ARL8B: variants seen among roughly 807,000 people sequenced by gnomAD.
ARL8B encodes ADP-ribosylation factor-like protein 8B.
Under a neutral mutation model 30.6 loss-of-function variants are expected in ARL8B, and 9 were observed. The ratio of observed to expected loss-of-function variants is 0.29; its 90% CI spans 0.18 to 0.51. The LOEUF (loss-of-function observed/expected upper bound fraction) is 0.51. Among genes scored for constraint, ARL8B ranks in the 20% least tolerant of loss-of-function variants. The probability of loss-of-function intolerance (pLI) is 0.97; values close to 1 mark genes in which losing one functional copy is unlikely to be tolerated. For synonymous variants in ARL8B, 74 were observed against 76.0 expected (o/e 0.97, Z 0.14); for missense variants, 130 against 227.2 (o/e 0.57, Z 2.75).
intron 6 of ARL8B, among the ~76,000 whole-genome samples, chr3:5,177,931 G>A (rs546202613): frequency 3.9e-5 from 6 of 152,292 alleles, no homozygotes; most frequent in African/African-American, 1.4e-4. Context: ...AACAGTTCAT[G>A]TTTGTTATAG....
intron 1 of ARL8B, among the ~76,000 whole-genome samples, chr3:5,169,348 T>A (rs200222214): frequency 1.3e-5 from 2 of 151,618 alleles, no homozygotes; most frequent in East Asian, 4.0e-4. Flanking sequence ...TGTGTGAGTG[T>A]GTGAGACTTC....
Position 5,166,347 on chromosome 3 carries a change from CGT to C in ARL8B, c.124-4155_124-4154del, listed in dbSNP as rs1491486901. ...GCTGCTGCGCCTGGCTGGTATCTTT[CGT>C]TTTTTTTTTTTTTTTTTTGGTAATG... On this transcript the variant is annotated intron_variant, in intron 1 of 6. Transcript: ENST00000256496. Among the ~76,000 whole-genome samples the C allele has an allele frequency of 1.2e-4, 11 of 93,166 alleles. No individual in the cohort carries two copies. The East Asian group carries it at 2.5e-3, about 21-fold the overall frequency. The allele number at this position is 93,166 out of a possible 152,430, so 61.1% of individuals were successfully genotyped here.
At position 5,179,757 on chromosome 3, in the gene ARL8B, T is replaced by G. The variant is rs553146456; in HGVS notation, c.*1044T>G. 2.6e-5 allele frequency: 4 copies of G among 152,662 alleles called. No individual in the cohort carries two copies. In the South Asian group the frequency reaches 8.3e-4, roughly 32 times the overall value. 9.5% of individuals were successfully genotyped at this position (152,662 alleles called of 1,614,324 possible). ...CTCTTACTGATGTAAGCTTTGGCACTCTTTTGACTGGTGCCATTAGACATC... is the reference window on the plus strand; with the variant it reads ...CTCTTACTGATGTAAGCTTTGGCACGCTTTTGACTGGTGCCATTAGACATC... On this transcript the variant is annotated 3_prime_UTR_variant, in exon 7 of 7. Transcript: ENST00000256496.
chr3:5,139,668 C>T (rs1300959578), intron 1 of ARL8B, among the ~76,000 whole-genome samples: 2 of 152,136 alleles, frequency 1.3e-5, no homozygotes, highest in Admixed American at 6.6e-5. Context: ...GAGTTTATTT[C>T]CCTGGAAGTA....
intron 6 of ARL8B, among the ~76,000 whole-genome samples, chr3:5,178,074 C>G (rs768953636): frequency 3.9e-4 from 59 of 152,288 alleles, no homozygotes; most frequent in Non-Finnish European, 6.8e-4. Flanking sequence ...GAAGTGAGGA[C>G]AAGAATTACC....
chr3:5,165,624 C>CA (rs748794618), intron 1 of ARL8B, among the ~76,000 whole-genome samples: 20 of 152,098 alleles, frequency 1.3e-4, no homozygotes, highest in Middle Eastern at 3.4e-3. Context: ...TCTGTCTTCA[C>CA]AAAGTGGCTT....
chr3:5,162,984 C>T (rs1333892584), intron 1 of ARL8B, among the ~76,000 whole-genome samples: 1 of 134,334 alleles, frequency 7.4e-6, no homozygotes, highest in Non-Finnish European at 1.5e-5. Context: ...TGTTTAGCTC[C>T]CACTTTTTTT....
At position 5,179,347 on chromosome 3, in the gene ARL8B, A is replaced by G. The variant is rs1275661174; in HGVS notation, c.*634A>G. 5.3e-5 allele frequency: 8 copies of G among 152,310 alleles called. No individual in the cohort carries two copies. 9.4% of individuals were successfully genotyped at this position (152,310 alleles called of 1,614,324 possible). A position where few individuals can be genotyped will look rare whatever the true frequency, so the allele number is the denominator to read the frequency against. On this transcript the variant is annotated 3_prime_UTR_variant, in exon 7 of 7. Transcript: ENST00000256496. ...CTTTGCACTGGTGAGATTCTGCCTG[A>G]TGAATATTAAAGATATCCTGCTTTC...
chr3:5,174,151 T>A, intron 5 of ARL8B, 67 bp downstream of exon 5: 1 of 1,398,414 alleles, frequency 7.2e-7, no homozygotes, highest in Non-Finnish European at 1.0e-6. Context: ...ACTTGTTATG[T>A]TATTCCTAAT....
At position 5,122,371 on chromosome 3, in the gene ARL8B, C is replaced by G. The variant is rs1333859516; in HGVS notation, c.-95C>G. On this transcript the variant is annotated 5_prime_UTR_variant, in exon 1 of 7. Coordinates refer to ENST00000256496, the MANE Select transcript of ARL8B (RefSeq NM_018184.3). ...CGTGTCGCGCCGGGGCACCAAGGAG[C>G]CGTTGGAGGGTCCGGGCGGAGGCCC... 4 of 1,578,512 alleles carry G rather than the reference C, an allele frequency of 2.5e-6. No homozygotes were observed. Among genetic ancestry groups the G allele is most frequent in the Non-Finnish European group, 3.4e-6 (4 of 1,164,184 alleles).
At chr3:5,161,774 T>C (rs997554397) in intron 1 of ARL8B, among the ~76,000 whole-genome samples, 1 of 152,260 alleles carries the variant, frequency 6.6e-6, no homozygotes, top group African/African-American at 2.4e-5. Context: ...CCTATTGTTA[T>C]GTGTTGATTT....
intron 1 of ARL8B, among the ~76,000 whole-genome samples, chr3:5,128,922 T>C (rs1438722949): frequency 1.3e-5 from 2 of 152,216 alleles, no homozygotes; most frequent in East Asian, 3.8e-4. Flanking sequence ...TCTAAAACAT[T>C]TTTCATGTCT....
intron 1 of ARL8B, among the ~76,000 whole-genome samples, chr3:5,155,022 C>A (rs6798806): frequency 0.39 from 59,461 of 152,066 alleles, 13,314 homozygotes; most frequent in African/African-American, 0.63. Flanking sequence ...GGCCTGAGCT[C>A]CTGGGCTTGG....
At chr3:5,133,895 A>G (rs1333084472) in intron 1 of ARL8B, among the ~76,000 whole-genome samples, 2 of 152,214 alleles carry the variant, frequency 1.3e-5, no homozygotes, top group African/African-American at 4.8e-5. Context: ...TGATGGTGCC[A>G]CTGCATTCCA....
intron 1 of ARL8B, among the ~76,000 whole-genome samples, chr3:5,151,102 T>G (rs1327211408): frequency 3.3e-5 from 5 of 152,206 alleles, no homozygotes; most frequent in Non-Finnish European, 5.9e-5. Flanking sequence ...CAATTTTAAT[T>G]ATCTTTTTAG....
At chr3:5,126,006 A>G (rs939930437) in intron 1 of ARL8B, among the ~76,000 whole-genome samples, 3 of 152,190 alleles carry the variant, frequency 2.0e-5, no homozygotes, top group Non-Finnish European at 4.4e-5. Flanking sequence ...GTATACAATT[A>G]TGATTTGTCA....
At position 5,142,771 on chromosome 3, in the gene ARL8B, A is replaced by G. The variant is rs549406440; in HGVS notation, c.123+20183A>G. Among the ~76,000 whole-genome samples the G allele has an allele frequency of 1.5e-4, 23 of 152,224 alleles. 1 individual carries two copies. The highest frequency in any genetic ancestry group is 5.3e-4 in the African/African-American group (22 of 41,528). ...TTTTTTATTAGTTTGAGAACAAATC[A>G]CCCTATGGGGTCTTTCCCTGTGATG... is the stretch of plus-strand genomic sequence containing the variant. On this transcript the variant is annotated intron_variant, in intron 1 of 6. Coordinates refer to ENST00000256496, the MANE Select transcript of ARL8B (RefSeq NM_018184.3).
At chr3:5,142,369 C>A (rs1156977959) in intron 1 of ARL8B, among the ~76,000 whole-genome samples, 1 of 152,162 alleles carries the variant, frequency 6.6e-6, no homozygotes, top group African/African-American at 2.4e-5. Context: ...GCTTTGGGAT[C>A]TGACCTCTGC....
Position 5,174,315 on chromosome 3 carries a change from C to A in ARL8B, c.441-29C>A, listed in dbSNP as rs774890791. 24 of 1,485,304 alleles carry A rather than the reference C, an allele frequency of 1.6e-5. No homozygotes were observed. In the South Asian group the frequency reaches 2.6e-4, roughly 16 times the overall value. 92.0% of individuals were successfully genotyped at this position (1,485,304 alleles called of 1,614,324 possible). The stretch of plus-strand genomic sequence containing the variant: ...ATAAGTATGACAGCTGTTCTAAGCA[C>A]AGACTTATCCTTTTAATTCTTCTCA... On this transcript the variant is annotated intron_variant, in intron 5 of 6. Coordinates refer to ENST00000256496, the MANE Select transcript of ARL8B (RefSeq NM_018184.3).
Sources: gnomAD v4.1 joint callset for allele counts (sites outside exome capture counted in the v4.1 genomes callset) on GRCh38, gnomAD v4.1.1 for gene constraint, MANE v1.5 for transcripts, NCBI Gene and HGNC (gene_info 2026-07-23, HGNC 2026-07-21) for gene names.